Variants in DDR1 observed in about 807,000 individuals in gnomAD.
DDR1 encodes epithelial discoidin domain-containing receptor 1.
Under a neutral mutation model 97.4 loss-of-function variants are expected in DDR1, and 64 were observed. The ratio of observed to expected loss-of-function variants is 0.66; its 90% CI spans 0.54 to 0.81. DDR1 has a LOEUF of 0.81. DDR1 is among the 30% of genes least tolerant of loss of function. The pLI, the probability that DDR1 is intolerant of heterozygous loss-of-function variation, is 0.00. For missense variants in DDR1, 990 were observed against 1,259.6 expected, an observed-to-expected ratio of 0.79 and a Z score of 3.24; for synonymous variants, 458 against 503.7, an observed-to-expected ratio of 0.91 and a Z score of 1.21.
Position 30,894,636 on chromosome 6 carries a change from C to T in DDR1, c.1478C>T (p.Pro493Leu), listed in dbSNP as rs552885133. 9.3e-6 allele frequency: 15 copies of T among 1,610,444 alleles called. No homozygotes were observed. The highest frequency in any genetic ancestry group is 4.0e-5 in the African/African-American group (3 of 74,926). The change falls in exon 11 of 18, where the codon CCG becomes CTG. Residue 493 changes from proline (P) to leucine (L), a missense_variant. By Grantham distance (98) the Pro-to-Leu change is moderately conservative. Transcript: ENST00000376568. This position sits in a 1 kb window ranked among gnomAD's most constrained non-coding sequence, Gnocchi z 5.7. ...PYQEPRPRGN[P>L]PHSAPCVPNG... ...CAGGAGCCCCGGCCTCGTGGGAATCCGCCCCACTCCGCTCCCTGTGTCCCC... is the reference window on the plus strand; with the variant it reads ...CAGGAGCCCCGGCCTCGTGGGAATCTGCCCCACTCCGCTCCCTGTGTCCCC...
At position 30,894,971 on chromosome 6, in the gene DDR1, C is replaced by G. The variant is rs1300003115; in HGVS notation, c.1513+300C>G. Among the ~76,000 whole-genome samples the G allele has an allele frequency of 6.6e-6, 1 of 152,064 alleles. No individual in the cohort carries two copies. Among genetic ancestry groups the G allele is most frequent in the Non-Finnish European group, 1.5e-5 (1 of 67,996 alleles). On this transcript the variant is annotated intron_variant, in intron 11 of 17. Coordinates refer to ENST00000376568, the MANE Select transcript of DDR1 (RefSeq NM_001297654.2). The surrounding 1 kb of genome is among the most constrained non-coding windows in gnomAD (Gnocchi z 5.7). The stretch of plus-strand genomic sequence containing the variant: ...GCCCCTTTGCTTTGTATTAGACTCA[C>G]CATGTTTGTTCCTTCATCTATCCTC...
chr6:30,891,558 AGAGT>A lies in DDR1; in HGVS notation c.665+81_665+84del, dbSNP rs1788332109. ...GTGTGTGTGTGTGTGTGTGTGTGTG[AGAGT>A]GTGTGTGTGTAGGGGGGCTGGTAAG... On this transcript the variant is annotated intron_variant, in intron 6 of 17. Transcript: ENST00000376568. The surrounding 1 kb of genome is among the most constrained non-coding windows in gnomAD (Gnocchi z 5.3). The A allele has an allele frequency of 1.0e-5, 9 of 895,088 alleles. No individual in the cohort carries two copies. The highest frequency in any genetic ancestry group is 1.6e-5 in the Non-Finnish European group (9 of 572,294). The allele number at this position is 895,088 out of a possible 1,614,324, so 55.4% of individuals were successfully genotyped here.
chr6:30,885,310 A>G, intron 1 of DDR1: 1 of 1,507,892 alleles, frequency 6.6e-7, no homozygotes, highest in Non-Finnish European at 8.9e-7. Context: ...TCCAGCAGCC[A>G]GAGGCAGGCG....
chr6:30,893,189 G>T lies in DDR1; in HGVS notation c.1195+26G>T, dbSNP rs536980714. 3.7e-6 allele frequency: 6 copies of T among 1,602,186 alleles called. No individual in the cohort carries two copies. The African/African-American group carries it at 6.7e-5, about 18-fold the overall frequency. The stretch of plus-strand genomic sequence containing the variant: ...GTGAGCAATCTTGGGTGGGCGTGTG[G>T]ACCCTCTGCACCCTTCTCCCTGGGC... On this transcript the variant is annotated intron_variant, in intron 9 of 17. Coordinates refer to ENST00000376568, the MANE Select transcript of DDR1 (RefSeq NM_001297654.2).
In DDR1 at chr6:30,893,379, GC is replaced by G; in HGVS notation, c.1306del (p.Leu436SerfsTer24). On this transcript the variant is annotated frameshift_variant, in exon 10 of 18. Transcript: ENST00000376568. LOFTEE classifies it high-confidence loss of function. ...AIILLLLLII[A>X]LMLWRLHWRR... The stretch of plus-strand genomic sequence containing the variant: ...CATCCTGCTCCTGCTGCTCATCATT[GC>G]CCTCATGCTCTGGCGGCTGCACTGG... 3 of 1,607,736 alleles carry G rather than the reference GC, an allele frequency of 1.9e-6. No homozygotes were observed.
chr6:30,891,535 G>GTA lies in DDR1; in HGVS notation c.665+57_665+58insAT. On this transcript the variant is annotated intron_variant, in intron 6 of 17. Coordinates refer to ENST00000376568, the MANE Select transcript of DDR1 (RefSeq NM_001297654.2). This position sits in a 1 kb window ranked among gnomAD's most constrained non-coding sequence, Gnocchi z 5.3. ...TGGGGTGGGAGGGAGGACTGTGTGTGTGTGTGTGTGTGTGTGTGTGTGAGA... is the reference window on the plus strand; with the variant it reads ...TGGGGTGGGAGGGAGGACTGTGTGTGTATGTGTGTGTGTGTGTGTGTGTGAGA... 2 of 850,388 alleles carry GTA rather than the reference G, an allele frequency of 2.4e-6. No homozygotes were observed. The highest frequency in any genetic ancestry group is 3.7e-6 in the Non-Finnish European group (2 of 536,526). 52.7% of individuals were successfully genotyped at this position (850,388 alleles called of 1,614,324 possible).
At chr6:30,896,007 A>C (rs1790635601) in intron 12 of DDR1, among the ~76,000 whole-genome samples, 1 of 151,790 alleles carries the variant, frequency 6.6e-6, no homozygotes, top group Non-Finnish European at 1.5e-5. Context: ...CCCCTTCCCC[A>C]GGGCTAAGAG....
Position 30,892,131 on chromosome 6 carries a change from T to C in DDR1, c.795T>C (p.Ser265=). Reference sequence around the variant, plus strand: ...GATGGAGCAACCACAGCTTCTCCAGTGGCTATGTGGAGATGGAGTTTGAGT... The same window carrying C: ...GATGGAGCAACCACAGCTTCTCCAGCGGCTATGTGGAGATGGAGTTTGAGT... ...YVGWSNHSFS[S]GYVEMEFEFD... is the part of the protein sequence containing the mutation. The change falls in exon 7 of 18, where the codon AGT becomes AGC. Residue 265 remains serine (S), a synonymous_variant. Transcript: ENST00000376568. The C allele has an allele frequency of 6.2e-7, 1 of 1,614,176 alleles. No homozygotes were observed. The highest frequency in any genetic ancestry group is 8.5e-7 in the Non-Finnish European group (1 of 1,180,022).
chr6:30,892,230 A>C, intron 7 of DDR1, 42 bp downstream of exon 7: 1 of 1,609,770 alleles, frequency 6.2e-7, no homozygotes. Flanking sequence ...GAAGCCATGC[A>C]GGGTGCCGTT....
Position 30,888,997 on chromosome 6 carries a change from G to A in DDR1, c.175G>A (p.Ala59Thr), listed in dbSNP as rs1301827645. 6.2e-7 allele frequency: 1 copy of A among 1,611,664 alleles called. No homozygotes were observed. Among genetic ancestry groups the A allele is most frequent in the Non-Finnish European group, 8.5e-7 (1 of 1,179,654 alleles). Residue 59 changes from alanine (A) to threonine (T), a missense_variant, in exon 3 of 18, where the codon GCC becomes ACC. Ala to Thr is a moderately conservative substitution (Grantham distance 58). Coordinates refer to ENST00000376568, the MANE Select transcript of DDR1 (RefSeq NM_001297654.2). This position sits in a 1 kb window ranked among gnomAD's most constrained non-coding sequence, Gnocchi z 4.2. ...ASSSWSDSTA[A>T]RHSRLESSDG... is the part of the protein sequence containing the mutation. ...CAGCTCCTGGTCAGATTCCACTGCC[G>A]CCCGCCACAGCAGGTACTTGGCACA...
chr6:30,887,959 G>A (rs2150268920), intron 1 of DDR1, among the ~76,000 whole-genome samples: 1 of 152,218 alleles, frequency 6.6e-6, no homozygotes, highest in African/African-American at 2.4e-5. Flanking sequence ...GGTCGAAGAG[G>A]ATGTGCATTT....
At position 30,889,553 on chromosome 6, in the gene DDR1, C is replaced by G. The variant is rs1787237042; in HGVS notation, c.417+123C>G. 1.4e-6 allele frequency: 1 copy of G among 691,238 alleles called. No homozygotes were observed. Among genetic ancestry groups the G allele is most frequent in the Admixed American group, 3.5e-5 (1 of 28,416 alleles). 42.8% of individuals were successfully genotyped at this position (691,238 alleles called of 1,614,324 possible). A position where few individuals can be genotyped will look rare whatever the true frequency, so the allele number is the denominator to read the frequency against. Reference sequence around the variant, plus strand: ...ATCATCTCCAGACTAAGCCTCTCAGCTGAGCTCCAAACAATATTGTAAACC... The same window carrying G: ...ATCATCTCCAGACTAAGCCTCTCAGGTGAGCTCCAAACAATATTGTAAACC... On this transcript the variant is annotated intron_variant, in intron 4 of 17. Coordinates refer to ENST00000376568, the MANE Select transcript of DDR1 (RefSeq NM_001297654.2). This position sits in a 1 kb window ranked among gnomAD's most constrained non-coding sequence, Gnocchi z 4.9.
Position 30,890,853 on chromosome 6 carries a change from T to A in DDR1, c.418-120T>A. ...GCGCCCCACAGTGCTGTGTGCTCGG[T>A]GCCACCCCTCATGGGTCTCTAAGTG... On this transcript the variant is annotated intron_variant, in intron 4 of 17. Transcript: ENST00000376568. The surrounding 1 kb of genome is among the most constrained non-coding windows in gnomAD (Gnocchi z 5.0). 3 of 1,073,280 alleles carry A rather than the reference T, an allele frequency of 2.8e-6. No individual in the cohort carries two copies. The highest frequency in any genetic ancestry group is 3.9e-6 in the Non-Finnish European group (3 of 764,924). 66.5% of individuals were successfully genotyped at this position (1,073,280 alleles called of 1,614,324 possible). A position where few individuals can be genotyped will look rare whatever the true frequency, so the allele number is the denominator to read the frequency against.
Position 30,899,068 on chromosome 6 carries a change from G to A in DDR1, c.2601+31G>A, listed in dbSNP as rs773108293. 3.7e-6 allele frequency: 6 copies of A among 1,614,018 alleles called. No individual in the cohort carries two copies. In the East Asian group the frequency reaches 6.7e-5, roughly 18 times the overall value. ...AGTGGAGGAGAGGGAAGATGGGTCC[G>A]AGGCGGGGGACAGAAGGGGCAGAGT... On this transcript the variant is annotated intron_variant, in intron 17 of 17. Transcript: ENST00000376568.
chr6:30,888,743 C>T lies in DDR1; in HGVS notation c.14C>T (p.Ala5Val), dbSNP rs1786821370. 1 of 1,612,876 alleles carries T rather than the reference C, an allele frequency of 6.2e-7. No individual in the cohort carries two copies. Among genetic ancestry groups the T allele is most frequent in the Non-Finnish European group, 8.5e-7 (1 of 1,179,992 alleles). Residue 5 changes from alanine (A) to valine (V), a missense_variant, in exon 2 of 18, where the codon GCC becomes GTC. By Grantham distance (64) the Ala-to-Val change is moderately conservative (BLOSUM62 0). Transcript: ENST00000376568. This position sits in a 1 kb window ranked among gnomAD's most constrained non-coding sequence, Gnocchi z 4.2. MGPE[A>V]LSSLLLLLLV... ...GGATCAGGAGCTATGGGACCAGAGGCCCTGTCATCTTTACTGCTGCTGCTC... is the reference window on the plus strand; with the variant it reads ...GGATCAGGAGCTATGGGACCAGAGGTCCTGTCATCTTTACTGCTGCTGCTC...
chr6:30,885,027 A>G (rs1368842699), intron 1 of DDR1: 2 of 591,436 alleles, frequency 3.4e-6, no homozygotes, highest in African/African-American at 3.7e-5. Context: ...GTGCAGCCCC[A>G]CTGAGTCAGC....
chr6:30,885,703 A>C, intron 1 of DDR1: 2 of 1,307,236 alleles, frequency 1.5e-6, no homozygotes, highest in Non-Finnish European at 2.0e-6. Context: ...TGATGTATGC[A>C]TGAGCTTCTG....
In DDR1 at chr6:30,895,466, G is replaced by A. The variant is rs371350624; in HGVS notation, c.1576G>A (p.Gly526Ser). The A allele has an allele frequency of 1.9e-6, 3 of 1,606,788 alleles. No individual in the cohort carries two copies. In the African/African-American group the frequency reaches 4.0e-5, roughly 21 times the overall value. ...LLATYARPPR[G>S]PGPPTPAWAK... ...GGCCACTTACGCCCGTCCCCCTCGAGGCCCGGGCCCCCCCACACCCGCCTG... is the reference window on the plus strand; with the variant it reads ...GGCCACTTACGCCCGTCCCCCTCGAAGCCCGGGCCCCCCCACACCCGCCTG... Residue 526 changes from glycine to serine, a missense_variant, in exon 12 of 18, where the codon GGC becomes AGC. Transcript: ENST00000376568.
At position 30,899,306 on chromosome 6, in the gene DDR1, C is replaced by T; in HGVS notation, c.*10C>T. 1 of 1,600,188 alleles carries T rather than the reference C, an allele frequency of 6.2e-7. No homozygotes were observed. Among genetic ancestry groups the T allele is most frequent in the South Asian group, 1.1e-5 (1 of 89,818 alleles). On this transcript the variant is annotated 3_prime_UTR_variant, in exon 18 of 18. Transcript: ENST00000376568. ...ACTCAACACGGTGTGAATCACACAT[C>T]CAGCTGCCCCTCCCTCAGGGAGCGA...
Sources: gnomAD v4.1 joint callset for allele counts (sites outside exome capture counted in the v4.1 genomes callset) on GRCh38, gnomAD v4.1.1 for gene constraint, Gnocchi (gnomAD v3.1) non-coding constraint, MANE v1.5 for transcripts, NCBI Gene and HGNC (gene_info 2026-07-23, HGNC 2026-07-21) for gene names.